DPYS: variants seen among roughly 807,000 people sequenced by gnomAD.
The protein encoded by DPYS is dihydropyrimidinase.
DPYS carries 39 observed loss-of-function variants against 50.3 expected under a neutral mutation model. The observed-to-expected ratio is 0.78, with a 90% CI of 0.60 to 1.01. The LOEUF is 1.01. Among genes scored for constraint, DPYS ranks in the 50% least tolerant of loss-of-function variants. The pLI is 0.00. For missense variants in DPYS, 659 were observed against 680.9 expected (o/e 0.97, Z 0.36); for synonymous variants, 245 against 250.7 (o/e 0.98, Z 0.22).
chr8:104,429,431 C>A, intron 5 of DPYS, 114 bp downstream of exon 5: 1 of 1,433,406 alleles, frequency 7.0e-7, no homozygotes, highest in Non-Finnish European at 9.7e-7. Flanking sequence ...CCTGACAGGT[C>A]AAGTAGAAGA....
At chr8:104,448,988 G>A (rs1017224055) in intron 2 of DPYS, among the ~76,000 whole-genome samples, 4 of 152,138 alleles carry the variant, frequency 2.6e-5, no homozygotes, top group Non-Finnish European at 4.4e-5. Flanking sequence ...GTCCACTGCT[G>A]TATCCTAGAA....
At chr8:104,427,216 A>AAAAG (rs1286287924) in intron 6 of DPYS, among the ~76,000 whole-genome samples, 2 of 151,792 alleles carry the variant, frequency 1.3e-5, no homozygotes, top group African/African-American at 4.8e-5. Flanking sequence ...AAAAAAAAAA[A>AAAAG]AAAGAACTGA....
Position 104,379,634 on chromosome 8 carries a change from C to T in DPYS, c.*224G>A, listed in dbSNP as rs1159523852. On this transcript the variant is annotated 3_prime_UTR_variant, in exon 10 of 10. Transcript: ENST00000351513. ...GAATTTCCACACAGCCTTTCCATCACAATAATATAAATTTATACCTTCAAT... is the reference window on the plus strand; with the variant it reads ...GAATTTCCACACAGCCTTTCCATCATAATAATATAAATTTATACCTTCAAT... 1 of 255,976 alleles carries T rather than the reference C, an allele frequency of 3.9e-6. No homozygotes were observed. The highest frequency in any genetic ancestry group is 8.0e-6 in the Non-Finnish European group (1 of 124,460). The allele number at this position is 255,976 out of a possible 1,614,324, so 15.9% of individuals were successfully genotyped here.
intron 4 of DPYS, among the ~76,000 whole-genome samples, chr8:104,439,423 C>A (rs758840447): frequency 3.3e-5 from 5 of 152,022 alleles, no homozygotes; most frequent in African/African-American, 1.2e-4. Context: ...AAAATGATAA[C>A]GTCTTAAATA....
rs1588453203 is a variant in DPYS, at chr8:104,447,647, T to G, written c.424-144A>C. 6 of 938,970 alleles carry G rather than the reference T, an allele frequency of 6.4e-6. No individual in the cohort carries two copies. The East Asian group carries it at 1.6e-4, about 25-fold the overall frequency. 58.2% of individuals were successfully genotyped at this position (938,970 alleles called of 1,614,324 possible). Reference sequence around the variant, plus strand: ...ATAGTTTAGTTCCACAAAAATGCAATTAAGGCCTTGATCTTTTTCCCAGGT... The same window carrying G: ...ATAGTTTAGTTCCACAAAAATGCAAGTAAGGCCTTGATCTTTTTCCCAGGT... On this transcript the variant is annotated intron_variant, in intron 2 of 9. Coordinates refer to ENST00000351513, the MANE Select transcript of DPYS (RefSeq NM_001385.3).
intron 7 of DPYS, among the ~76,000 whole-genome samples, chr8:104,422,235 A>C (rs1259817854): frequency 6.6e-6 from 1 of 152,184 alleles, no homozygotes; most frequent in African/African-American, 2.4e-5. Flanking sequence ...CCACACAATA[A>C]AGTATTTTCA....
At chr8:104,426,323 G>A (rs927079883) in intron 6 of DPYS, among the ~76,000 whole-genome samples, 3 of 152,116 alleles carry the variant, frequency 2.0e-5, no homozygotes, top group Non-Finnish European at 4.4e-5. Context: ...CTATAATATT[G>A]TAAAAATAAT....
At chr8:104,440,140 G>A (rs1270389855) in intron 4 of DPYS, among the ~76,000 whole-genome samples, 1 of 152,112 alleles carries the variant, frequency 6.6e-6, no homozygotes, top group Admixed American at 6.5e-5. Flanking sequence ...ATACTACTAT[G>A]TGCCAGGCAC....
intron 7 of DPYS, among the ~76,000 whole-genome samples, chr8:104,423,466 C>A (rs770487593): frequency 7.9e-5 from 12 of 152,136 alleles, no homozygotes; most frequent in Admixed American, 1.3e-4. Context: ...CCCAAGAAAC[C>A]GTAGACTTTT....
rs77495492 is a variant in DPYS, at chr8:104,410,906, C to A, written c.1235+13341G>T. Among the ~76,000 whole-genome samples, 304 of 152,176 alleles carry A rather than the reference C, an allele frequency of 2.0e-3. 2 individuals carry two copies. Among genetic ancestry groups the A allele is most frequent in the African/African-American group, 6.8e-3 (284 of 41,512 alleles). On this transcript the variant is annotated intron_variant, in intron 7 of 9. Coordinates refer to ENST00000351513, the MANE Select transcript of DPYS (RefSeq NM_001385.3). ...ATCTGGATGGCTTTACTGTCCCCAT[C>A]CACCTGTCCAGAGCCACCTCCAAGG...
At chr8:104,415,249 CTTAG>C (rs758705505) in intron 7 of DPYS, among the ~76,000 whole-genome samples, 47 of 152,146 alleles carry the variant, frequency 3.1e-4, no homozygotes, top group Non-Finnish European at 5.4e-4. Context: ...ACAGCAGGTG[CTTAG>C]TTAGGAAAGC....
intron 7 of DPYS, among the ~76,000 whole-genome samples, chr8:104,406,549 G>T (rs570760394): frequency 2.7e-4 from 41 of 152,162 alleles, no homozygotes; most frequent in Non-Finnish European, 4.9e-4. Context: ...CACATACCCA[G>T]GGCAAAGGCA....
In DPYS at chr8:104,381,320, A is replaced by G; in HGVS notation, c.1444-6T>C. The G allele has an allele frequency of 2.5e-6, 4 of 1,612,876 alleles. No homozygotes were observed. Among genetic ancestry groups the G allele is most frequent in the Non-Finnish European group, 3.4e-6 (4 of 1,178,848 alleles). The stretch of plus-strand genomic sequence containing the variant: ...ACAGGGGTAGGTGTGCAAGTCTGAA[A>G]GAGAACATTTCATTTCTCTCTTGTG... On this transcript the variant is annotated splice_region_variant and splice_polypyrimidine_tract_variant and intron_variant, in intron 8 of 9. Transcript: ENST00000351513.
Position 104,451,226 on chromosome 8 carries a change from T to C in DPYS, c.423+20A>G, listed in dbSNP as rs781040142. On this transcript the variant is annotated intron_variant, in intron 2 of 9. Coordinates refer to ENST00000351513, the MANE Select transcript of DPYS (RefSeq NM_001385.3). ...AGGACAAGAGGACAATGGGAACACA[T>C]TGAAATCCAGGTGCTTTACCTGGTC... The C allele has an allele frequency of 2.0e-5, 33 of 1,613,214 alleles. No individual in the cohort carries two copies. In the East Asian group the frequency reaches 5.8e-4, roughly 28 times the overall value.
intron 6 of DPYS, among the ~76,000 whole-genome samples, chr8:104,424,938 T>C (rs1339882312): frequency 6.7e-6 from 1 of 150,272 alleles, no homozygotes; most frequent in Non-Finnish European, 1.5e-5. Context: ...GCGATTCTCC[T>C]GCCTCAGCCT....
At chr8:104,459,122 C>T (rs4305867) in intron 1 of DPYS, among the ~76,000 whole-genome samples, 6,107 of 152,222 alleles carry the variant, frequency 0.04, 394 homozygotes, top group African/African-American at 0.13. Context: ...TGTTACTTGA[C>T]GTGTGAGAAG....
chr8:104,426,734 T>A (rs931191156), intron 6 of DPYS, among the ~76,000 whole-genome samples: 1 of 152,260 alleles, frequency 6.6e-6, no homozygotes. Context: ...CAGCTCCACA[T>A]GTCAACTGGC....
At chr8:104,396,417 C>T (rs1811587487) in intron 7 of DPYS, among the ~76,000 whole-genome samples, 1 of 152,008 alleles carries the variant, frequency 6.6e-6, no homozygotes, top group African/African-American at 2.4e-5. Flanking sequence ...AAACATCTAA[C>T]AGAAGAAATA....
At chr8:104,432,678 AT>A (rs1307239175) in intron 4 of DPYS, among the ~76,000 whole-genome samples, 3 of 152,244 alleles carry the variant, frequency 2.0e-5, no homozygotes, top group African/African-American at 7.2e-5. Context: ...TTAGGTTCAA[AT>A]CCTGCTTTTG....
Sources: gnomAD v4.1 joint callset for allele counts (sites outside exome capture counted in the v4.1 genomes callset) on GRCh38, gnomAD v4.1.1 for gene constraint, MANE v1.5 for transcripts, NCBI Gene and HGNC (gene_info 2026-07-23, HGNC 2026-07-21) for gene names.